CCDC171: variants seen among roughly 807,000 people sequenced by gnomAD.
The protein encoded by CCDC171 is coiled-coil domain-containing protein 171.
A neutral mutation model predicts 168.2 loss-of-function variants in CCDC171; 177 were observed. The observed-to-expected ratio is 1.05, with a 90% CI of 0.93 to 1.19. CCDC171 has a LOEUF of 1.19. Among genes scored for constraint, CCDC171 ranks in the 50% most tolerant of loss-of-function variants. The pLI is 0.00. For synonymous variants in CCDC171, 687 were observed against 540.8 expected, an observed-to-expected ratio of 1.27 and a Z score of -3.75; for missense variants, 1,991 against 1,539.0, an observed-to-expected ratio of 1.29 and a Z score of -4.91.
At chr9:16,023,491 A>C (rs1161166655) in intron 6 of CCDC171, among the ~76,000 whole-genome samples, 1 of 152,076 alleles carries the variant, frequency 6.6e-6, no homozygotes, top group Non-Finnish European at 1.5e-5. Context: ...AAGAATCACC[A>C]CCCTGATTTA....
intron 11 of CCDC171, among the ~76,000 whole-genome samples, chr9:15,700,051 C>A (rs1326969963): frequency 6.6e-6 from 1 of 152,228 alleles, no homozygotes; most frequent in Non-Finnish European, 1.5e-5. Flanking sequence ...CCGCACTCCT[C>A]AGCCCTTGGG....
At chr9:15,615,730 G>A (rs1452900534) in intron 6 of CCDC171, among the ~76,000 whole-genome samples, 2 of 151,212 alleles carry the variant, frequency 1.3e-5, no homozygotes, top group African/African-American at 4.9e-5. Context: ...AAGTGATTAT[G>A]TGTTGTGTTT....
chr9:15,749,202 A>G (rs1171581314), intron 18 of CCDC171, among the ~76,000 whole-genome samples: 1 of 152,140 alleles, frequency 6.6e-6, no homozygotes, highest in African/African-American at 2.4e-5. Context: ...CTTTAAACCA[A>G]CAAAGATCGA....
At chr9:15,750,300 C>T (rs2055632376) in intron 18 of CCDC171, among the ~76,000 whole-genome samples, 1 of 152,114 alleles carries the variant, frequency 6.6e-6, no homozygotes, top group African/African-American at 2.4e-5. Flanking sequence ...AGACCAATAA[C>T]AGGTTCTGAA....
chr9:15,886,781 C>CAT (rs1819470550), intron 24 of CCDC171: 1 of 151,460 alleles, frequency 6.6e-6, no homozygotes, highest in South Asian at 2.1e-4. Flanking sequence ...CACACACACA[C>CAT]ACACCCAGAG....
intron 25 of CCDC171, among the ~76,000 whole-genome samples, chr9:15,953,085 A>G (rs1790999877): frequency 6.6e-6 from 1 of 152,062 alleles, no homozygotes; most frequent in African/African-American, 2.4e-5. Context: ...TTTGTGTGGA[A>G]TCTTTAGGGT....
chr9:15,583,629 A>G (rs970974197), intron 4 of CCDC171, among the ~76,000 whole-genome samples: 1 of 152,006 alleles, frequency 6.6e-6, no homozygotes, highest in Non-Finnish European at 1.5e-5. Context: ...GACTCTGTGG[A>G]AAGGACGGGA....
At chr9:15,939,732 G>A (rs1827511002) in intron 25 of CCDC171, among the ~76,000 whole-genome samples, 1 of 151,806 alleles carries the variant, frequency 6.6e-6, no homozygotes, top group Non-Finnish European at 1.5e-5. Flanking sequence ...TTTGAAATAA[G>A]ATTTCATGTA....
At chr9:15,716,721 G>C (rs1297964838) in intron 11 of CCDC171, among the ~76,000 whole-genome samples, 1 of 152,172 alleles carries the variant, frequency 6.6e-6, no homozygotes, top group African/African-American at 2.4e-5. Context: ...GAGAGAGCAA[G>C]AGTTGGGGAG....
intron 1 of CCDC171, among the ~76,000 whole-genome samples, chr9:16,045,301 G>C (rs936078434): frequency 1.3e-5 from 2 of 152,156 alleles, no homozygotes; most frequent in African/African-American, 2.4e-5. Flanking sequence ...CCTCGTCAAG[G>C]TGGTGGCCAC....
At chr9:15,613,541 T>C (rs1417225869) in intron 6 of CCDC171, among the ~76,000 whole-genome samples, 3 of 151,362 alleles carry the variant, frequency 2.0e-5, no homozygotes, top group African/African-American at 7.3e-5. Context: ...TTTTTTTTTT[T>C]CAGATGGAGT....
At chr9:15,864,545 A>G (rs901514833) in intron 23 of CCDC171, among the ~76,000 whole-genome samples, 1 of 151,984 alleles carries the variant, frequency 6.6e-6, no homozygotes, top group African/African-American at 2.4e-5. Context: ...CCCACCTATG[A>G]GTGAGAACAT....
chr9:15,879,755 G>A (rs1818366771), intron 24 of CCDC171, among the ~76,000 whole-genome samples: 1 of 152,034 alleles, frequency 6.6e-6, no homozygotes, highest in Non-Finnish European at 1.5e-5. Flanking sequence ...TGAGTTTTTG[G>A]TTATTATGAA....
intron 4 of CCDC171, among the ~76,000 whole-genome samples, chr9:15,582,512 A>G (rs2131302145): frequency 6.6e-6 from 1 of 152,354 alleles, no homozygotes; most frequent in Non-Finnish European, 1.5e-5. Context: ...TCACAATAGC[A>G]AAGACTTGGA....
At chr9:15,839,639 A>G (rs2060589951) in intron 21 of CCDC171, among the ~76,000 whole-genome samples, 1 of 151,700 alleles carries the variant, frequency 6.6e-6, no homozygotes, top group Non-Finnish European at 1.5e-5. Flanking sequence ...TTACTCAAGT[A>G]ATTTTCCCCC....
intron 3 of CCDC171, among the ~76,000 whole-genome samples, chr9:15,979,745 T>G (rs1013201072): frequency 6.6e-6 from 1 of 151,992 alleles, no homozygotes; most frequent in Non-Finnish European, 1.5e-5. Context: ...GAGTATTTGT[T>G]TGAAGTTTTC....
chr9:15,925,388 A>C (rs966655353), intron 25 of CCDC171, among the ~76,000 whole-genome samples: 3 of 151,618 alleles, frequency 2.0e-5, no homozygotes, highest in Non-Finnish European at 3.0e-5. Context: ...GGAAAGAAGA[A>C]ACTGAGAAAG....
intron 7 of CCDC171, among the ~76,000 whole-genome samples, chr9:15,628,318 C>A (rs1035228005): frequency 6.6e-6 from 1 of 152,270 alleles, no homozygotes; most frequent in East Asian, 1.9e-4. Flanking sequence ...TCGGGTCACT[C>A]CCACCCCAAT....
At chr9:15,929,166 G>T (rs573743701) in intron 25 of CCDC171, among the ~76,000 whole-genome samples, 25 of 151,692 alleles carry the variant, frequency 1.6e-4, no homozygotes, top group Non-Finnish European at 3.0e-4. Context: ...AGCAAGAAGT[G>T]CCAGAATTAA....
Sources: allele counts gnomAD v4.1 joint callset (sites outside exome capture counted in the v4.1 genomes callset), GRCh38; gene constraint gnomAD v4.1.1; transcripts MANE v1.5; gene names NCBI Gene and HGNC (gene_info 2026-07-23, HGNC 2026-07-21).